The following ST6GALNAC3 variants were observed in gnomAD, a reference collection of about 807,000 sequenced individuals.
ST6GALNAC3 encodes the protein alpha-N-acetylgalactosaminide alpha-2,6-sialyltransferase 3.
ST6GALNAC3 carries 25 observed loss-of-function variants against 32.7 expected under a neutral mutation model. The observed-to-expected ratio is 0.76, with a 90% CI of 0.56 to 1.07. ST6GALNAC3 has a LOEUF of 1.07. ST6GALNAC3 is among the 50% of genes least tolerant of loss of function. The probability of loss-of-function intolerance (pLI) is 0.00; values close to 1 mark genes in which losing one functional copy is unlikely to be tolerated. For missense variants in ST6GALNAC3, 355 were observed against 382.4 expected, an observed-to-expected ratio of 0.93 and a Z score of 0.60; for synonymous variants, 129 against 133.1, an observed-to-expected ratio of 0.97 and a Z score of 0.21.
intron 3 of ST6GALNAC3, among the ~76,000 whole-genome samples, chr1:76,459,804 T>G (rs1658153200): frequency 6.6e-6 from 1 of 152,202 alleles, no homozygotes; most frequent in South Asian, 2.1e-4. Context: ...AGTTTGTGTT[T>G]TAGCAAATAT....
At chr1:76,111,436 T>G (rs1647929889) in intron 1 of ST6GALNAC3, among the ~76,000 whole-genome samples, 1 of 137,806 alleles carries the variant, frequency 7.3e-6, no homozygotes, top group South Asian at 2.2e-4. Context: ...GACATTTTTT[T>G]TTTTCATAAT....
intron 3 of ST6GALNAC3, among the ~76,000 whole-genome samples, chr1:76,555,487 G>A (rs1190704328): frequency 1.3e-5 from 2 of 152,012 alleles, no homozygotes; most frequent in Admixed American, 1.3e-4. Context: ...CAATGTGAAG[G>A]GCCCAGGAAA....
intron 2 of ST6GALNAC3, among the ~76,000 whole-genome samples, chr1:76,404,096 T>A (rs1161274343): frequency 6.6e-6 from 1 of 151,956 alleles, no homozygotes; most frequent in Non-Finnish European, 1.5e-5. Flanking sequence ...TTTCATGACA[T>A]TAACATTTTT....
intron 1 of ST6GALNAC3, among the ~76,000 whole-genome samples, chr1:76,086,318 G>A (rs191149226): frequency 6.6e-6 from 1 of 152,270 alleles, no homozygotes; most frequent in Admixed American, 6.5e-5. Flanking sequence ...CATTATTTAA[G>A]GATTAGGAAT....
At chr1:76,582,436 G>A (rs1453386312) in intron 3 of ST6GALNAC3, among the ~76,000 whole-genome samples, 2 of 152,104 alleles carry the variant, frequency 1.3e-5, no homozygotes, top group African/African-American at 2.4e-5. Context: ...AAATCACATA[G>A]TGTCACTTCC....
chr1:76,415,450 A>G (rs1228245577), intron 3 of ST6GALNAC3, among the ~76,000 whole-genome samples: 2 of 151,880 alleles, frequency 1.3e-5, no homozygotes, highest in African/African-American at 4.8e-5. Context: ...TTAATGTATT[A>G]GTTTCCTTGC....
intron 2 of ST6GALNAC3, among the ~76,000 whole-genome samples, chr1:76,390,159 T>G (rs1652423255): frequency 6.6e-6 from 1 of 152,252 alleles, no homozygotes; most frequent in Admixed American, 6.5e-5. Flanking sequence ...TTTTTATGGG[T>G]TTTGTTTTGT....
chr1:76,443,153 T>G (rs2101517661), intron 3 of ST6GALNAC3, among the ~76,000 whole-genome samples: 1 of 152,264 alleles, frequency 6.6e-6, no homozygotes, highest in Admixed American at 6.5e-5. Flanking sequence ...TTTGTTGTTG[T>G]TGTTTTGTTT....
At chr1:76,138,427 G>GAA (rs148250241) in intron 1 of ST6GALNAC3, among the ~76,000 whole-genome samples, 1 of 151,816 alleles carries the variant, frequency 6.6e-6, no homozygotes, top group Non-Finnish European at 1.5e-5. Flanking sequence ...TGGTGAAATT[G>GAA]AAAAAAACCA....
At chr1:76,263,882 A>G (rs922058755) in intron 1 of ST6GALNAC3, among the ~76,000 whole-genome samples, 2 of 152,084 alleles carry the variant, frequency 1.3e-5, no homozygotes, top group Non-Finnish European at 2.9e-5. Context: ...CTGAATATGA[A>G]TGGTATTTGG....
intron 3 of ST6GALNAC3, among the ~76,000 whole-genome samples, chr1:76,465,130 C>T (rs916788898): frequency 1.3e-5 from 2 of 152,150 alleles, no homozygotes; most frequent in African/African-American, 4.8e-5. Flanking sequence ...AGCATATGAG[C>T]AAAGGACCTG....
At chr1:76,305,370 T>C (rs1474361782) in intron 1 of ST6GALNAC3, among the ~76,000 whole-genome samples, 1 of 151,792 alleles carries the variant, frequency 6.6e-6, no homozygotes, top group African/African-American at 2.4e-5. Context: ...ATATATTGAG[T>C]GTAGGCTTTG....
intron 2 of ST6GALNAC3, among the ~76,000 whole-genome samples, chr1:76,358,959 A>G (rs1006965659): frequency 1.3e-5 from 2 of 152,184 alleles, no homozygotes; most frequent in Non-Finnish European, 2.9e-5. Flanking sequence ...ATCTTCCTGA[A>G]TAGATCAAAT....
intron 3 of ST6GALNAC3, among the ~76,000 whole-genome samples, chr1:76,496,720 T>C (rs1557490764): frequency 6.6e-6 from 1 of 152,130 alleles, no homozygotes; most frequent in African/African-American, 2.4e-5. Flanking sequence ...GTCCCAGCAG[T>C]GAAGGTTCCT....
rs1210231155 is a variant in ST6GALNAC3 at position 76,630,556 on chromosome 1, T to C, written c.*1750T>C. ...AAAGACAAAAGCCAGGCTCAACTTA[T>C]AGAATGTTTTGGAAACTGGAAGTAA... On this transcript the variant is annotated 3_prime_UTR_variant, in exon 5 of 5. Transcript: ENST00000328299. 6 of 985,288 alleles carry C rather than the reference T, an allele frequency of 6.1e-6. No individual in the cohort carries two copies. Among genetic ancestry groups the C allele is most frequent in the Non-Finnish European group, 7.2e-6 (6 of 829,854 alleles). 61.0% of individuals were successfully genotyped at this position (985,288 alleles called of 1,614,324 possible).
At chr1:76,596,469 G>A (rs928522574) in intron 3 of ST6GALNAC3, among the ~76,000 whole-genome samples, 1 of 152,158 alleles carries the variant, frequency 6.6e-6, no homozygotes, top group African/African-American at 2.4e-5. Flanking sequence ...GTGTAGTTTA[G>A]TATTAACTGA....
chr1:76,436,346 G>A (rs1425840513), intron 3 of ST6GALNAC3, among the ~76,000 whole-genome samples: 2 of 152,044 alleles, frequency 1.3e-5, no homozygotes, highest in Non-Finnish European at 2.9e-5. Flanking sequence ...GGAAACTGCT[G>A]GTCATTAAGG....
At chr1:76,571,719 T>A (rs913255289) in intron 3 of ST6GALNAC3, among the ~76,000 whole-genome samples, 2 of 151,992 alleles carry the variant, frequency 1.3e-5, no homozygotes, top group African/African-American at 2.4e-5. Flanking sequence ...ATATAAAGAG[T>A]GAGTGAATTT....
chr1:76,580,450 T>G (rs1646875958), intron 3 of ST6GALNAC3, among the ~76,000 whole-genome samples: 1 of 152,174 alleles, frequency 6.6e-6, no homozygotes, highest in Non-Finnish European at 1.5e-5. Context: ...AAGGAGCCAG[T>G]GTTTATATGT....
Sources: gnomAD v4.1 joint callset for allele counts (sites outside exome capture counted in the v4.1 genomes callset) on GRCh38, gnomAD v4.1.1 for gene constraint, MANE v1.5 for transcripts, NCBI Gene and HGNC (gene_info 2026-07-23, HGNC 2026-07-21) for gene names.